ANKRD45: variants seen among roughly 807,000 people sequenced by gnomAD.
The protein encoded by ANKRD45 is ankyrin repeat domain 45, also known as ankyrin repeat domain-containing protein 45.
In ANKRD45, 21 loss-of-function variants were observed where a neutral mutation model predicts 28.1. The observed-to-expected ratio is 0.75, with a 90% confidence interval of 0.53 to 1.08. The LOEUF is 1.08. Among genes scored for constraint, ANKRD45 ranks in the 50% least tolerant of loss-of-function variants. ANKRD45 has a pLI of 0.00. For missense variants in ANKRD45, 261 were observed against 308.7 expected (o/e 0.85, Z 1.16); for synonymous variants, 86 against 103.9 (o/e 0.83, Z 1.05).
chr1:173,690,732 G>A, the ANKRD45 span, among the ~76,000 whole-genome samples: 89 of 152,218 alleles, frequency 5.8e-4, no homozygotes, highest in Non-Finnish European at 9.1e-4. Context: ...AGACCTAGGG[G>A]GCTATACAGT....
intron 3 of ANKRD45, among the ~76,000 whole-genome samples, chr1:173,631,238 A>T (rs529459202): frequency 6.6e-6 from 1 of 152,194 alleles, no homozygotes; most frequent in Non-Finnish European, 1.5e-5. Flanking sequence ...AAGGTCATAT[A>T]TAATAATAGA....
the ANKRD45 span, among the ~76,000 whole-genome samples, chr1:173,692,775 C>T: frequency 2.0e-5 from 3 of 152,238 alleles, no homozygotes; most frequent in Admixed American, 2.0e-4. Context: ...TGAGTCAGGG[C>T]CTGGAACATG....
chr1:173,652,725 C>T (rs1003697306), intron 2 of ANKRD45, among the ~76,000 whole-genome samples: 3 of 152,160 alleles, frequency 2.0e-5, no homozygotes, highest in African/African-American at 7.2e-5. Flanking sequence ...CCATCTGCTC[C>T]TAGACTTTTT....
upstream of ANKRD45, among the ~76,000 whole-genome samples, chr1:173,674,212 C>T (rs1670342525): frequency 6.6e-6 from 1 of 152,008 alleles, no homozygotes; most frequent in African/African-American, 2.4e-5. Flanking sequence ...CAGGGTTTTG[C>T]CATGTTGCCC....
intron 3 of ANKRD45, among the ~76,000 whole-genome samples, chr1:173,630,623 C>T (rs530819517): frequency 4.1e-5 from 6 of 146,542 alleles, no homozygotes; most frequent in East Asian, 1.9e-4. Context: ...CCAAAGCGGG[C>T]GATCACTTGA....
At chr1:173,700,655 T>A in the ANKRD45 span, among the ~76,000 whole-genome samples, 1 of 152,144 alleles carries the variant, frequency 6.6e-6, no homozygotes, top group African/African-American at 2.4e-5. Flanking sequence ...TCCTTACACC[T>A]TATACAAAAA....
At chr1:173,711,045 A>G in the ANKRD45 span, among the ~76,000 whole-genome samples, 1 of 152,076 alleles carries the variant, frequency 6.6e-6, no homozygotes, top group East Asian at 1.9e-4. Context: ...TCCACAAACA[A>G]TGGGCCCTGT....
chr1:173,616,433 C>T (rs909759952), intron 5 of ANKRD45, among the ~76,000 whole-genome samples: 1 of 152,004 alleles, frequency 6.6e-6, no homozygotes, highest in African/African-American at 2.4e-5. Context: ...GAAGTGACTG[C>T]TAATAGCTAT....
intron 1 of ANKRD45, among the ~76,000 whole-genome samples, chr1:173,663,020 CT>C (rs750028536): frequency 1.5e-4 from 22 of 149,950 alleles, no homozygotes; most frequent in Admixed American, 3.3e-4. Context: ...ACTTATAATT[CT>C]TCAGTGTCTG....
chr1:173,711,863 G>A, the ANKRD45 span, among the ~76,000 whole-genome samples: 2 of 152,176 alleles, frequency 1.3e-5, no homozygotes, highest in Non-Finnish European at 2.9e-5. Context: ...CAGAGTAGCA[G>A]AAGCACAAAC....
the ANKRD45 span, among the ~76,000 whole-genome samples, chr1:173,695,836 G>A: frequency 1.3e-5 from 2 of 152,106 alleles, no homozygotes; most frequent in African/African-American, 4.8e-5. Flanking sequence ...ATAAGCCCCA[G>A]TCTTCCATAG....
chr1:173,715,058 G>A, the ANKRD45 span: 1 of 152,596 alleles, frequency 6.6e-6, no homozygotes, highest in Admixed American at 6.5e-5. Context: ...GGCTGCTGCA[G>A]AGAAGAAAGT....
the ANKRD45 span, among the ~76,000 whole-genome samples, chr1:173,687,986 CTTTTTT>C: frequency 7.8e-6 from 1 of 128,600 alleles, no homozygotes; most frequent in Non-Finnish European, 1.7e-5. Context: ...AATGTTGAAT[CTTTTTT>C]TTTTTTTTTT....
chr1:173,688,696 T>TCTTTCTGCCTCTTTC, the ANKRD45 span, among the ~76,000 whole-genome samples: 2 of 106,868 alleles, frequency 1.9e-5, no homozygotes, highest in Non-Finnish European at 3.6e-5. Context: ...CTCTTTCCTC[T>TCTTTCTGCCTCTTTC]CTCTCTTTCT....
the ANKRD45 span, among the ~76,000 whole-genome samples, chr1:173,706,022 C>T: frequency 6.6e-6 from 1 of 151,960 alleles, no homozygotes; most frequent in African/African-American, 2.4e-5. Flanking sequence ...AGAGATCTTC[C>T]GGCTGGGCGC....
At chr1:173,644,520 G>T (rs577134891) in intron 3 of ANKRD45, among the ~76,000 whole-genome samples, 1 of 151,932 alleles carries the variant, frequency 6.6e-6, no homozygotes, top group Admixed American at 6.6e-5. Context: ...AGACATATTC[G>T]GTATAATTGC....
chr1:173,678,710 A>G, the ANKRD45 span, among the ~76,000 whole-genome samples: 1 of 152,228 alleles, frequency 6.6e-6, no homozygotes, highest in African/African-American at 2.4e-5. Flanking sequence ...GGCCAGGGCA[A>G]TCAGGCAAGA....
intron 5 of ANKRD45, among the ~76,000 whole-genome samples, chr1:173,613,381 G>T (rs547213130): frequency 3.7e-4 from 56 of 152,030 alleles, no homozygotes; most frequent in African/African-American, 1.3e-3. Flanking sequence ...GAAGTGAGGA[G>T]CCCCTCCGCC....
chr1:173,678,392 T>A, the ANKRD45 span, among the ~76,000 whole-genome samples: 8 of 152,336 alleles, frequency 5.3e-5, no homozygotes, highest in African/African-American at 1.7e-4. Context: ...ATCCCTGGGA[T>A]GCAAGCCTGG....
Sources: gnomAD v4.1 joint callset for allele counts (sites outside exome capture counted in the v4.1 genomes callset) on GRCh38, gnomAD v4.1.1 for gene constraint, MANE v1.5 for transcripts, NCBI Gene and HGNC (gene_info 2026-07-23, HGNC 2026-07-21) for gene names.